TANC2: variants seen among roughly 807,000 people sequenced by gnomAD.
TANC2 encodes protein TANC2.
Under a neutral mutation model 210.5 loss-of-function variants are expected in TANC2, and 26 were observed. That is an observed-to-expected ratio of 0.12 (90% CI 0.09 to 0.17). The LOEUF is 0.17. TANC2 is among the 10% of genes least tolerant of loss of function. The pLI is 1.00. For missense variants in TANC2, 2,129 were observed against 2,608.9 expected (o/e 0.82, Z 4.01); for synonymous variants, 931 against 967.1 (o/e 0.96, Z 0.69).
intron 13 of TANC2, among the ~76,000 whole-genome samples, chr17:63,352,651 C>T (rs571908577): frequency 1.3e-5 from 2 of 151,968 alleles, no homozygotes; most frequent in South Asian, 2.1e-4. Flanking sequence ...ATTGTGTTTC[C>T]GGATAGAGTA....
intron 9 of TANC2, among the ~76,000 whole-genome samples, chr17:63,285,390 A>G (rs1000289872): frequency 2.0e-5 from 3 of 151,894 alleles, no homozygotes; most frequent in Non-Finnish European, 4.4e-5. Context: ...TTGTTTGTTC[A>G]CTGTATCATG....
intron 4 of TANC2, among the ~76,000 whole-genome samples, chr17:63,103,774 A>G (rs1370069496): frequency 6.6e-6 from 1 of 152,200 alleles, no homozygotes; most frequent in Non-Finnish European, 1.5e-5. Flanking sequence ...TTAAAGTCGC[A>G]CTTTTTAATG....
At chr17:63,101,820 A>T (rs1043510557) in intron 4 of TANC2, among the ~76,000 whole-genome samples, 7 of 152,184 alleles carry the variant, frequency 4.6e-5, no homozygotes, top group African/African-American at 1.7e-4. Flanking sequence ...TCAAAGGAGG[A>T]GATAATTGAG....
chr17:63,372,581 C>G (rs1246598996), intron 14 of TANC2, among the ~76,000 whole-genome samples: 1 of 152,176 alleles, frequency 6.6e-6, no homozygotes, highest in Non-Finnish European at 1.5e-5. Flanking sequence ...CTTAATATGT[C>G]TCACTTAATT....
At chr17:63,422,035 T>G in exon 28 of TANC2, 2 of 1,487,760 alleles carry the variant, frequency 1.3e-6, no homozygotes, top group Non-Finnish European at 1.8e-6. Context: ...GGTAGTTCTC[T>G]GGCTTAATTT....
intron 2 of TANC2, among the ~76,000 whole-genome samples, chr17:63,039,973 C>A (rs998207669): frequency 6.6e-6 from 1 of 152,088 alleles, no homozygotes; most frequent in Non-Finnish European, 1.5e-5. Context: ...AAAAAGTAAG[C>A]ACTTTTAGTT....
At chr17:63,323,593 C>T (rs1416695171) in intron 11 of TANC2, among the ~76,000 whole-genome samples, 2 of 152,064 alleles carry the variant, frequency 1.3e-5, no homozygotes, top group South Asian at 2.1e-4. Context: ...ACAAAATTCA[C>T]GAGACAAGGA....
At chr17:63,366,796 T>C (rs2047123834) in intron 14 of TANC2, among the ~76,000 whole-genome samples, 1 of 152,234 alleles carries the variant, frequency 6.6e-6, no homozygotes, top group South Asian at 2.1e-4. Context: ...ACCAGAAATA[T>C]ATTTTGAATT....
chr17:63,120,341 T>A (rs1169460101), intron 4 of TANC2, among the ~76,000 whole-genome samples: 1 of 152,182 alleles, frequency 6.6e-6, no homozygotes, highest in Non-Finnish European at 1.5e-5. Context: ...GGTGAATCTG[T>A]ATGTATGTTA....
At chr17:63,425,710 G>A (rs2049127336) in exon 28 of TANC2, 1 of 152,196 alleles carries the variant, frequency 6.6e-6, no homozygotes. Flanking sequence ...GGCCTGGAAG[G>A]GGTCTTCGTG....
intron 2 of TANC2, among the ~76,000 whole-genome samples, chr17:63,015,745 A>T (rs1001362915): frequency 0.14 from 123 of 894 alleles, no homozygotes; most frequent in Admixed American, 0.22. Flanking sequence ...AATTTTCTTA[A>T]AAAAAAACCG....
At chr17:63,316,204 C>T (rs1278499633) in intron 10 of TANC2, among the ~76,000 whole-genome samples, 1 of 152,164 alleles carries the variant, frequency 6.6e-6, no homozygotes, top group Non-Finnish European at 1.5e-5. Context: ...CAGTGTTTTC[C>T]TTTGAGTGTT....
intron 12 of TANC2, among the ~76,000 whole-genome samples, chr17:63,346,561 A>G (rs2146840349): frequency 6.6e-6 from 1 of 152,018 alleles, no homozygotes; most frequent in Middle Eastern, 3.4e-3. Context: ...CTTCACACCC[A>G]TTAGAATACC....
chr17:63,110,490 C>G lies in TANC2; in HGVS notation c.322+11133C>G, dbSNP rs1259992561. 2.0e-5 allele frequency among the ~76,000 whole-genome samples: 3 copies of G among 151,664 alleles called. No homozygotes were observed. In the East Asian group the frequency reaches 5.8e-4, roughly 29 times the overall value. ...AACAGAAATCTATTTTCTCACAGTT[C>G]TGGTGGCTGGGAAGTCTAAGATCAA... On this transcript the variant is annotated intron_variant, in intron 4 of 27. Coordinates refer to ENST00000689528, the Ensembl canonical transcript of TANC2.
chr17:63,103,736 A>G (rs2037718556), intron 4 of TANC2, among the ~76,000 whole-genome samples: 1 of 152,244 alleles, frequency 6.6e-6, no homozygotes, highest in South Asian at 2.1e-4. Flanking sequence ...GTTAGATACC[A>G]GTGGGAACTT....
intron 10 of TANC2, 132 bp from the exon 11 acceptor site, chr17:63,318,825 A>G (rs1598844691): frequency 2.9e-6 from 3 of 1,045,486 alleles, no homozygotes; most frequent in South Asian, 3.0e-5. Flanking sequence ...TTGGGTGGAC[A>G]TGTGTTTTTA....
chr17:63,140,078 T>A (rs1237268719), intron 4 of TANC2, among the ~76,000 whole-genome samples: 1 of 152,224 alleles, frequency 6.6e-6, no homozygotes, highest in African/African-American at 2.4e-5. Flanking sequence ...AACTTTATAC[T>A]ACTAGTCAAA....
chr17:63,307,095 C>T (rs571430547), intron 9 of TANC2, among the ~76,000 whole-genome samples: 2 of 152,254 alleles, frequency 1.3e-5, no homozygotes, highest in South Asian at 4.1e-4. Context: ...TGTGAGATGC[C>T]TGCAGGGGTA....
intron 3 of TANC2, among the ~76,000 whole-genome samples, chr17:63,082,609 C>A (rs1013690917): frequency 2.0e-5 from 3 of 152,126 alleles, no homozygotes; most frequent in African/African-American, 7.2e-5. Flanking sequence ...ATTTTCTGAT[C>A]GTCCTATGAA....
Sources: allele counts gnomAD v4.1 joint callset (sites outside exome capture counted in the v4.1 genomes callset), GRCh38; gene constraint gnomAD v4.1.1; transcripts MANE v1.5; gene names NCBI Gene and HGNC (gene_info 2026-07-23, HGNC 2026-07-21).